ZBTB43: variants seen among roughly 807,000 people sequenced by gnomAD.
ZBTB43 encodes the protein zinc finger and BTB domain-containing protein 43.
Under a neutral mutation model 31.1 loss-of-function variants are expected in ZBTB43, and 6 were observed. That is an observed-to-expected ratio of 0.19 (90% confidence interval 0.11 to 0.38). ZBTB43 has a LOEUF of 0.38. ZBTB43 is among the 10% of genes least tolerant of loss of function. The pLI is 1.00. For synonymous variants in ZBTB43, 212 were observed against 221.7 expected (o/e 0.96, Z 0.39); for missense variants, 379 against 602.1 (o/e 0.63, Z 3.88).
At chr9:126,818,458 T>G (rs1470388140) in intron 2 of ZBTB43, among the ~76,000 whole-genome samples, 1 of 152,044 alleles carries the variant, frequency 6.6e-6, no homozygotes, top group East Asian at 1.9e-4. Context: ...CTGCCCAGAC[T>G]GGTCTCAAAC....
chr9:126,810,444 C>T (rs922253857), intron 2 of ZBTB43, among the ~76,000 whole-genome samples: 1 of 149,326 alleles, frequency 6.7e-6, no homozygotes, highest in Non-Finnish European at 1.5e-5. Flanking sequence ...TCCACCGTCT[C>T]GTGCTCCCAA....
chr9:126,807,581 A>G (rs1299815066), intron 1 of ZBTB43, among the ~76,000 whole-genome samples: 1 of 152,190 alleles, frequency 6.6e-6, no homozygotes, highest in African/African-American at 2.4e-5. Flanking sequence ...GCATGTCTGA[A>G]AATTAATTGA....
At chr9:126,828,645 A>ATTATTATTATTATTATT (rs1564206207) in intron 2 of ZBTB43, among the ~76,000 whole-genome samples, 17 of 131,518 alleles carry the variant, frequency 1.3e-4, no homozygotes, top group African/African-American at 5.5e-4. Context: ...TAATAATAAT[A>ATTATTATTATTATTATT]ATAATAATAA....
Position 126,833,277 on chromosome 9 carries a change from G to C in ZBTB43, c.768G>C (p.Glu256Asp), listed in dbSNP as rs771307216. Residue 256 changes from glutamate to aspartate, a missense_variant, in exon 3 of 3, where the codon GAG (glutamate) becomes GAC (aspartate). Physicochemically the swap from Glu to Asp is conservative, Grantham distance 45 (BLOSUM62 2). Transcript: ENST00000373464. This position sits in a 1 kb window ranked among gnomAD's most constrained non-coding sequence, Gnocchi z 7.9. ...CCGAGCGCTTAGAACAGGCTTGCGA[G>C]GGCATGGATGTGCACGCGACCTACG... The part of the protein sequence containing the change: ...VKPERLEQAC[E>D]GMDVHATYDE... 2.5e-6 allele frequency: 4 copies of C among 1,613,550 alleles called. No homozygotes were observed. The highest frequency in any genetic ancestry group is 1.1e-5 in the South Asian group (1 of 90,978).
rs1451272207 is a variant in ZBTB43, at chr9:126,837,402, CA to C, written c.*3490del. 6.0e-6 allele frequency: 1 copy of C among 167,168 alleles called. No individual in the cohort carries two copies. Among genetic ancestry groups the C allele is most frequent in the Non-Finnish European group, 1.5e-5 (1 of 68,166 alleles). The allele number at this position is 167,168 out of a possible 1,614,324, so 10.4% of individuals were successfully genotyped here. A position where few individuals can be genotyped will look rare whatever the true frequency, so the allele number is the denominator to read the frequency against. On this transcript the variant is annotated 3_prime_UTR_variant, in exon 3 of 3. Transcript: ENST00000373464. ...CCTGCCCCTAAGGCTGGCTTCTAAC[CA>C]CCGGGGAAAGCTGCTTAGCCTCCAG...
intron 2 of ZBTB43, among the ~76,000 whole-genome samples, chr9:126,809,707 C>G (rs1453244976): frequency 6.6e-6 from 1 of 152,114 alleles, no homozygotes; most frequent in African/African-American, 2.4e-5. Context: ...TGCCCTTCAT[C>G]TGCGTTAAAA....
chr9:126,808,655 A>G (rs2119105871), intron 1 of ZBTB43, 138 bp from the exon 2 acceptor site: 1 of 152,376 alleles, frequency 6.6e-6, no homozygotes, highest in South Asian at 2.1e-4. Flanking sequence ...GAAGTTGCAG[A>G]ATGGAATTTA....
chr9:126,825,506 C>T (rs1318844136), intron 2 of ZBTB43, among the ~76,000 whole-genome samples: 1 of 152,150 alleles, frequency 6.6e-6, no homozygotes, highest in African/African-American at 2.4e-5. Context: ...GGTTTGGGTT[C>T]TTCTGTGGCC....
intron 2 of ZBTB43, among the ~76,000 whole-genome samples, chr9:126,810,368 A>G (rs903809879): frequency 6.8e-6 from 1 of 147,712 alleles, no homozygotes; most frequent in Non-Finnish European, 1.5e-5. Context: ...CTAATTTTGT[A>G]TTTTTAGTAG....
chr9:126,835,525 T>C lies in ZBTB43; in HGVS notation c.*1612T>C, dbSNP rs1184336482. On this transcript the variant is annotated 3_prime_UTR_variant, in exon 3 of 3. Transcript: ENST00000373464. ...TTTGCTGTAATGTAATAGACATTGC[T>C]GGCAATGGCCTCTGATTCTCAAGCT... is the stretch of plus-strand genomic sequence containing the variant. 6.0e-6 allele frequency: 1 copy of C among 167,074 alleles called. No homozygotes were observed. The highest frequency in any genetic ancestry group is 1.5e-5 in the Non-Finnish European group (1 of 68,116). 10.3% of individuals were successfully genotyped at this position (167,074 alleles called of 1,614,324 possible).
intron 2 of ZBTB43, among the ~76,000 whole-genome samples, chr9:126,812,043 G>A (rs1026952899): frequency 2.7e-5 from 4 of 150,392 alleles, no homozygotes; most frequent in Non-Finnish European, 4.4e-5. Context: ...TAGAACTTTT[G>A]TCTCCCCTCA....
intron 2 of ZBTB43, among the ~76,000 whole-genome samples, chr9:126,825,311 A>ATT (rs112284574): frequency 2.0e-5 from 3 of 149,514 alleles, no homozygotes; most frequent in African/African-American, 7.4e-5. Context: ...GAGTTTGTTG[A>ATT]TTTTTTTTTT....
At position 126,833,624 on chromosome 9, in the gene ZBTB43, T is replaced by A; in HGVS notation, c.1115T>A (p.Leu372Gln). Residue 372 changes from leucine (L) to glutamine (Q), a missense_variant, in exon 3 of 3, where the codon CTG becomes CAG. By Grantham distance (113) the Leu-to-Gln change is moderately radical. This residue lies in a region of ZBTB43 where 253 missense variants were observed against 322.3 expected (regional missense o/e 0.79). Transcript: ENST00000373464. The surrounding 1 kb of genome is among the most constrained non-coding windows in gnomAD (Gnocchi z 7.9). ...SHLGFSATDK[L>Q]YPCQCGKSFT... ...TTAGGATTCTCAGCCACTGACAAGC[T>A]GTATCCTTGTCAGTGTGGGAAAAGT... The A allele has an allele frequency of 1.2e-6, 2 of 1,613,994 alleles. No individual in the cohort carries two copies. The highest frequency in any genetic ancestry group is 1.7e-6 in the Non-Finnish European group (2 of 1,179,906).
chr9:126,814,291 G>A (rs2032315462), intron 2 of ZBTB43, among the ~76,000 whole-genome samples: 2 of 150,862 alleles, frequency 1.3e-5, no homozygotes, highest in South Asian at 2.1e-4. Flanking sequence ...ATTTACATCT[G>A]TAAAATTTTT....
chr9:126,813,093 G>A (rs1435789461), intron 2 of ZBTB43, among the ~76,000 whole-genome samples: 1 of 151,556 alleles, frequency 6.6e-6, no homozygotes, highest in African/African-American at 2.4e-5. Context: ...CAGTTCTGCT[G>A]TCTCAGCCTC....
rs761546236 is a variant in ZBTB43, at chr9:126,833,194, C to T, written c.685C>T (p.Arg229Trp). ...ASDSAEFHYT[R>W]PMYSKPSIMA... The stretch of plus-strand genomic sequence containing the variant: ...CGACAGCGCCGAGTTCCACTACACC[C>T]GGCCCATGTACAGCAAGCCCAGCAT... Residue 229 changes from arginine (R) to tryptophan (W), a missense_variant, in exon 3 of 3, where the codon CGG (arginine) becomes TGG (tryptophan). By Grantham distance (101) the Arg-to-Trp change is moderately radical. This residue lies in a region of ZBTB43 where 253 missense variants were observed against 322.3 expected (regional missense o/e 0.79). Transcript: ENST00000373464. This position sits in a 1 kb window ranked among gnomAD's most constrained non-coding sequence, Gnocchi z 7.9. 3 of 1,613,594 alleles carry T rather than the reference C, an allele frequency of 1.9e-6. No individual in the cohort carries two copies. The highest frequency in any genetic ancestry group is 2.2e-5 in the South Asian group (2 of 91,080).
chr9:126,821,341 A>C (rs576404329), intron 2 of ZBTB43, among the ~76,000 whole-genome samples: 2 of 152,052 alleles, frequency 1.3e-5, no homozygotes, highest in Admixed American at 6.6e-5. Flanking sequence ...GCACCACTGC[A>C]CTCCAGCCTG....
At chr9:126,829,663 G>T (rs1039359236) in intron 2 of ZBTB43, among the ~76,000 whole-genome samples, 1 of 150,960 alleles carries the variant, frequency 6.6e-6, no homozygotes, top group African/African-American at 2.4e-5. Flanking sequence ...GATTTCCTTT[G>T]GGGGAGACTA....
intron 2 of ZBTB43, among the ~76,000 whole-genome samples, chr9:126,825,311 ATT>A (rs112284574): frequency 2.0e-5 from 3 of 149,622 alleles, no homozygotes; most frequent in African/African-American, 7.3e-5. Flanking sequence ...GAGTTTGTTG[ATT>A]TTTTTTTTCC....
Sources: gnomAD v4.1 joint callset for allele counts (sites outside exome capture counted in the v4.1 genomes callset) on GRCh38, gnomAD v4.1.1 for gene constraint, gnomAD v4.1.1 regional missense constraint, Gnocchi (gnomAD v3.1) non-coding constraint, MANE v1.5 for transcripts, NCBI Gene and HGNC (gene_info 2026-07-23, HGNC 2026-07-21) for gene names.